NAALADL2: variants seen among roughly 807,000 people sequenced by gnomAD.
NAALADL2 encodes the protein inactive N-acetylated-alpha-linked acidic dipeptidase-like protein 2.
A neutral mutation model predicts 87.2 loss-of-function variants in NAALADL2; 76 were observed. That is an observed-to-expected ratio of 0.87 (90% CI 0.72 to 1.05). NAALADL2 has a LOEUF of 1.05. Ranked by LOEUF, NAALADL2 falls within the 50% of genes least tolerant of loss-of-function variation. NAALADL2 has a pLI of 0.00. For missense variants in NAALADL2, 1,089 were observed against 945.8 expected (o/e 1.15, Z -1.99); for synonymous variants, 354 against 331.0 (o/e 1.07, Z -0.75).
intron 13 of NAALADL2, among the ~76,000 whole-genome samples, chr3:175,770,516 A>C (rs1749353305): frequency 6.6e-6 from 1 of 152,192 alleles, no homozygotes; most frequent in South Asian, 2.1e-4. Flanking sequence ...TAGACTAAAA[A>C]TTTGCCTTGC....
intron 1 of NAALADL2, among the ~76,000 whole-genome samples, chr3:174,901,998 A>C (rs1349299904): frequency 1.3e-5 from 2 of 152,108 alleles, no homozygotes; most frequent in Non-Finnish European, 2.9e-5. Context: ...TTTGTCTCTA[A>C]AACAGTGCCC....
intron 2 of NAALADL2, among the ~76,000 whole-genome samples, chr3:175,101,397 C>T (rs1299339448): frequency 6.6e-6 from 1 of 152,158 alleles, no homozygotes; most frequent in Admixed American, 6.5e-5. Context: ...TGCTGGTTAT[C>T]TTGTATAAAC....
chr3:175,767,626 G>T (rs1347550395), intron 13 of NAALADL2: 3 of 152,046 alleles, frequency 2.0e-5, no homozygotes, highest in Admixed American at 6.6e-5. Flanking sequence ...CTTGCGCAAG[G>T]ATGACATGAC....
At chr3:175,790,591 T>C (rs559602082) in intron 13 of NAALADL2, among the ~76,000 whole-genome samples, 24 of 152,330 alleles carry the variant, frequency 1.6e-4, no homozygotes, top group African/African-American at 5.3e-4. Flanking sequence ...ACACATATGA[T>C]GCAACGTCTA....
At chr3:174,819,398 T>C (rs1285032659) in intron 3 of NAALADL2, among the ~76,000 whole-genome samples, 1 of 152,058 alleles carries the variant, frequency 6.6e-6, no homozygotes, top group African/African-American at 2.4e-5. Flanking sequence ...CTTTCTTTTT[T>C]TTCATTTAAA....
intron 1 of NAALADL2, among the ~76,000 whole-genome samples, chr3:174,987,910 G>T (rs1335149003): frequency 2.0e-5 from 3 of 149,882 alleles, no homozygotes; most frequent in African/African-American, 7.5e-5. Flanking sequence ...GGCCTTAATG[G>T]GTCATCCCAC....
At chr3:175,080,120 G>T (rs370057607) in intron 1 of NAALADL2, among the ~76,000 whole-genome samples, 9 of 151,820 alleles carry the variant, frequency 5.9e-5, no homozygotes, top group African/African-American at 2.2e-4. Context: ...CGCCCGCCAC[G>T]GCGCCCGGCT....
rs144529588 is a variant in NAALADL2 at position 175,532,011 on chromosome 3, G to A, written c.1654-44030G>A. On this transcript the variant is annotated intron_variant, in intron 9 of 13. Coordinates refer to ENST00000454872, the MANE Select transcript of NAALADL2 (RefSeq NM_207015.3). ...GAGGCAGCTCTAAAGGCTTCCATTC[G>A]GCCTTTTCCACCCTAATAGCCCTCA... 4.7e-3 allele frequency among the ~76,000 whole-genome samples: 721 copies of A among 152,166 alleles called. 5 individuals are homozygous for A. The highest frequency in any genetic ancestry group is 0.017 in the African/African-American group (686 of 41,522).
intron 2 of NAALADL2, among the ~76,000 whole-genome samples, chr3:174,617,795 G>A (rs1171603243): frequency 6.6e-6 from 1 of 151,574 alleles, no homozygotes; most frequent in African/African-American, 2.4e-5. Flanking sequence ...AACTGGGTGG[G>A]GAATGGACTT....
intron 9 of NAALADL2, among the ~76,000 whole-genome samples, chr3:175,505,326 ATGACT>A (rs1730158325): frequency 6.6e-6 from 1 of 152,052 alleles, no homozygotes; most frequent in South Asian, 2.1e-4. Context: ...ATGTGTGACA[ATGACT>A]TATGTCTCCA....
chr3:175,231,890 C>T (rs1041663767), intron 2 of NAALADL2, among the ~76,000 whole-genome samples: 2 of 151,974 alleles, frequency 1.3e-5, no homozygotes, highest in East Asian at 3.9e-4. Flanking sequence ...ACTCAGTTTA[C>T]CTGCTCTATC....
chr3:175,426,572 G>C (rs1458235578), intron 5 of NAALADL2, among the ~76,000 whole-genome samples: 2 of 152,132 alleles, frequency 1.3e-5, no homozygotes, highest in Non-Finnish European at 2.9e-5. Flanking sequence ...GGTATGTAGT[G>C]TTAACAGTAT....
chr3:175,667,824 A>T (rs971372278), intron 11 of NAALADL2, among the ~76,000 whole-genome samples: 2 of 149,524 alleles, frequency 1.3e-5, no homozygotes, highest in African/African-American at 5.0e-5. Flanking sequence ...TGAGTCTATC[A>T]TGAGAGGACA....
intron 11 of NAALADL2, among the ~76,000 whole-genome samples, chr3:175,729,939 C>G (rs1366697901): frequency 6.6e-6 from 1 of 151,904 alleles, no homozygotes; most frequent in Non-Finnish European, 1.5e-5. Context: ...AATAGTTTAA[C>G]TTACAGCTTA....
At chr3:174,869,486 G>C (rs1727536604) in intron 1 of NAALADL2, among the ~76,000 whole-genome samples, 1 of 152,152 alleles carries the variant, frequency 6.6e-6, no homozygotes, top group Non-Finnish European at 1.5e-5. Context: ...CAGAAATGCA[G>C]ATTTATCTTT....
At chr3:175,223,545 G>A (rs899647730) in intron 2 of NAALADL2, among the ~76,000 whole-genome samples, 2 of 151,858 alleles carry the variant, frequency 1.3e-5, no homozygotes, top group Non-Finnish European at 2.9e-5. Context: ...ATGGACACTT[G>A]GGTTGTTTTC....
intron 11 of NAALADL2, among the ~76,000 whole-genome samples, chr3:175,697,797 ATG>A: frequency 6.9e-6 from 1 of 144,140 alleles, no homozygotes; most frequent in South Asian, 2.1e-4. Context: ...GTGTGTATAT[ATG>A]TATATATATT....
At chr3:175,654,861 G>A (rs892255293) in intron 11 of NAALADL2, among the ~76,000 whole-genome samples, 1 of 151,964 alleles carries the variant, frequency 6.6e-6, no homozygotes, top group African/African-American at 2.4e-5. Context: ...CTGTGTATAG[G>A]CCCCTTTGTG....
At position 175,632,849 on chromosome 3, in the gene NAALADL2, G is replaced by A. The variant is rs185432349; in HGVS notation, c.1896+5463G>A. ...GTAGGGTCTAGAAATGCACTGTCAC[G>A]TATAGTAATCACTAGTCACATGTGG... On this transcript the variant is annotated intron_variant, in intron 11 of 13. Transcript: ENST00000454872. 7.7e-4 allele frequency among the ~76,000 whole-genome samples: 117 copies of A among 152,080 alleles called. 2 individuals are homozygous for A. The highest frequency in any genetic ancestry group is 7.2e-3 in the East Asian group (37 of 5,172).
Sources: gnomAD v4.1 joint callset for allele counts (sites outside exome capture counted in the v4.1 genomes callset) on GRCh38, gnomAD v4.1.1 for gene constraint, MANE v1.5 for transcripts, NCBI Gene and HGNC (gene_info 2026-07-23, HGNC 2026-07-21) for gene names.